Variants in SVIP observed in about 807,000 individuals in gnomAD.
SVIP encodes the protein small VCP/p97-interacting protein.
Under a neutral mutation model 12.9 loss-of-function variants are expected in SVIP, and 14 were observed. The ratio of observed to expected loss-of-function variants is 1.08; its 90% confidence interval spans 0.72 to 1.70. The LOEUF (loss-of-function observed/expected upper bound fraction) is 1.70, where lower values mean the gene tolerates loss of function less well. SVIP is among the 40% of genes most tolerant of loss of function. The pLI is 0.00. For missense variants in SVIP, 93 were observed against 90.8 expected, an observed-to-expected ratio of 1.02 and a Z score of -0.10; for synonymous variants, 35 against 33.3, an observed-to-expected ratio of 1.05 and a Z score of -0.17.
rs1233164298 is a variant in SVIP, at chr11:22,821,993, C to A, written c.*1126G>T. 1 of 152,152 alleles carries A rather than the reference C, an allele frequency of 6.6e-6. No homozygotes were observed. Among genetic ancestry groups the A allele is most frequent in the African/African-American group, 2.4e-5 (1 of 41,440 alleles). The allele number at this position is 152,152 out of a possible 1,614,324, so 9.4% of individuals were successfully genotyped here. ...TAAAATTTCTATTAGCACTTAATAT[C>A]TGCAAATTTTAATTTAGGGCTCAAC... On this transcript the variant is annotated 3_prime_UTR_variant, in exon 4 of 4. Transcript: ENST00000354193.
intron 3 of SVIP, among the ~76,000 whole-genome samples, chr11:22,825,261 C>A (rs1857651669): frequency 6.6e-6 from 1 of 151,994 alleles, no homozygotes; most frequent in Non-Finnish European, 1.5e-5. Context: ...ATAGGCCAAG[C>A]GTTTTGAGGG....
chr11:22,828,703 A>T (rs1857820953), intron 1 of SVIP, among the ~76,000 whole-genome samples: 1 of 152,146 alleles, frequency 6.6e-6, no homozygotes, highest in Non-Finnish European at 1.5e-5. Context: ...ATCGACAGCC[A>T]GAACAACAAA....
At chr11:22,829,159 T>C (rs527912157) in intron 1 of SVIP, 2 of 152,346 alleles carry the variant, frequency 1.3e-5, no homozygotes, top group Admixed American at 1.3e-4. Context: ...CATATTCTTT[T>C]AAAGGGAGAA....
chr11:22,827,100 C>CA, intron 3 of SVIP, 107 bp downstream of exon 3: 1 of 854,776 alleles, frequency 1.2e-6, no homozygotes. Flanking sequence ...TAAACTATTT[C>CA]AAAATTTTCT....
intron 3 of SVIP, among the ~76,000 whole-genome samples, chr11:22,826,422 T>C (rs949166883): frequency 1.3e-5 from 2 of 152,158 alleles, no homozygotes; most frequent in African/African-American, 4.8e-5. Flanking sequence ...TCATAAATCA[T>C]TGACAAGTTA....
chr11:22,827,871 C>T lies in SVIP; in HGVS notation c.58G>A (p.Glu20Lys), dbSNP rs1857782016. 1.3e-6 allele frequency: 2 copies of T among 1,570,754 alleles called. No homozygotes were observed. The highest frequency in any genetic ancestry group is 4.6e-5 in the East Asian group (2 of 43,772). Residue 20 changes from glutamate to lysine, a missense_variant, in exon 2 of 4, where the codon GAG becomes AAG. Physicochemically the swap from Glu to Lys is moderately conservative, Grantham distance 56. Coordinates refer to ENST00000354193, the MANE Select transcript of SVIP (RefSeq NM_148893.3). Reference protein sequence around the residue: ...ESAPPTPDLEEKRAKLAEAAE... With the variant: ...ESAPPTPDLEKKRAKLAEAAE... ...GCCTCTGCAAGCTTTGCTCTTTTCT[C>T]TTCCTAAATAAATGTGTAAAAATAT...
chr11:22,826,349 T>G (rs186814962), intron 3 of SVIP, among the ~76,000 whole-genome samples: 2 of 148,086 alleles, frequency 1.4e-5, no homozygotes, highest in Non-Finnish European at 3.0e-5. Flanking sequence ...TGTATATGTA[T>G]GTGCATGTGT....
At chr11:22,829,517 C>G (rs1857869387) in intron 1 of SVIP, 178 bp downstream of exon 1, 11 of 572,198 alleles carry the variant, frequency 1.9e-5, no homozygotes, top group Non-Finnish European at 3.3e-5. Context: ...AGGCGACGGC[C>G]TAGGTCGCTC....
rs1857436996 is a variant in SVIP at position 22,820,409 on chromosome 11, A to G, written c.*2710T>C. On this transcript the variant is annotated 3_prime_UTR_variant, in exon 4 of 4. Transcript: ENST00000354193. The stretch of plus-strand genomic sequence containing the variant: ...TAGGAAAAAACAGGATACTAATTAC[A>G]TCATTTTTCCTTTATAGAAAATCCA... The G allele has an allele frequency of 6.6e-6, 1 of 152,194 alleles. No homozygotes were observed. Among genetic ancestry groups the G allele is most frequent in the South Asian group, 2.1e-4 (1 of 4,834 alleles). The allele number at this position is 152,194 out of a possible 1,614,324, so 9.4% of individuals were successfully genotyped here.
At chr11:22,824,473 C>CATATATGTAT (rs1857611347) in intron 3 of SVIP, among the ~76,000 whole-genome samples, 1 of 140,944 alleles carries the variant, frequency 7.1e-6, no homozygotes, top group East Asian at 2.1e-4. Flanking sequence ...CATATATATA[C>CATATATGTAT]GTATATATAT....
In SVIP at chr11:22,823,215, A is replaced by G. The variant is rs533611487; in HGVS notation, c.220-82T>C. ...TACTTCAGTGAACAAACAGGTAAAA[A>G]GAGGAATATGGGACATAGAAATACA... On this transcript the variant is annotated intron_variant, in intron 3 of 3. Transcript: ENST00000354193. 60 of 995,568 alleles carry G rather than the reference A, an allele frequency of 6.0e-5. No individual in the cohort carries two copies. The African/African-American group carries it at 8.8e-4, about 15-fold the overall frequency. 61.7% of individuals were successfully genotyped at this position (995,568 alleles called of 1,614,324 possible). A position where few individuals can be genotyped will look rare whatever the true frequency, so the allele number is the denominator to read the frequency against.
At chr11:22,829,627 C>G in intron 1 of SVIP, 68 bp downstream of exon 1, 1 of 1,489,444 alleles carries the variant, frequency 6.7e-7, no homozygotes, top group Non-Finnish European at 9.1e-7. Flanking sequence ...ATGGCTCGGC[C>G]CGCCCCGCAA....
Position 22,823,095 on chromosome 11 carries a change from A to G in SVIP, c.*24T>C. On this transcript the variant is annotated 3_prime_UTR_variant, in exon 4 of 4. Transcript: ENST00000354193. ...CAGATAATAAACAGTTATTGGCAGT[A>G]GATTCTTCTACTCATGTTATGCTTT... is the stretch of plus-strand genomic sequence containing the variant. 3.2e-6 allele frequency: 5 copies of G among 1,576,810 alleles called. No homozygotes were observed. Among genetic ancestry groups the G allele is most frequent in the Non-Finnish European group, 4.3e-6 (5 of 1,161,228 alleles).
At chr11:22,829,574 G>C in intron 1 of SVIP, 121 bp downstream of exon 1, 3 of 1,042,544 alleles carry the variant, frequency 2.9e-6, no homozygotes, top group African/African-American at 1.6e-5. Context: ...GTCCTCGCTA[G>C]CAGGGTCCCC....
At position 22,827,844 on chromosome 11, in the gene SVIP, C is replaced by A; in HGVS notation, c.85G>T (p.Ala29Ser). 2 of 1,583,594 alleles carry A rather than the reference C, an allele frequency of 1.3e-6. No individual in the cohort carries two copies. The highest frequency in any genetic ancestry group is 1.2e-5 in the South Asian group (1 of 84,376). The change falls in exon 2 of 4, where the codon GCA becomes TCA. Residue 29 changes from alanine to serine, a missense_variant. Transcript: ENST00000354193. ...CTTACCTCTTTTTGTCTTCTCTCTG[C>A]AGCCTCTGCAAGCTTTGCTCTTTTC... is the stretch of plus-strand genomic sequence containing the variant. ...EEKRAKLAEA[A>S]ERRQKEAASR...
chr11:22,822,176 C>T lies in SVIP; in HGVS notation c.*943G>A, dbSNP rs928776162. 3 of 152,094 alleles carry T rather than the reference C, an allele frequency of 2.0e-5. No homozygotes were observed. The highest frequency in any genetic ancestry group is 2.0e-4 in the Admixed American group (3 of 15,268). 9.4% of individuals were successfully genotyped at this position (152,094 alleles called of 1,614,324 possible). A position where few individuals can be genotyped will look rare whatever the true frequency, so the allele number is the denominator to read the frequency against. ...TATGACTATGCATTGTATAGAATTA[C>T]CTAATATTTTTATATCTGAAGTAGA... On this transcript the variant is annotated 3_prime_UTR_variant, in exon 4 of 4. Transcript: ENST00000354193.
At position 22,821,589 on chromosome 11, in the gene SVIP, T is replaced by C. The variant is rs1857487754; in HGVS notation, c.*1530A>G. On this transcript the variant is annotated 3_prime_UTR_variant, in exon 4 of 4. Coordinates refer to ENST00000354193, the MANE Select transcript of SVIP (RefSeq NM_148893.3). ...TCAAGGATGATATGCTCTAGCTCTATATGCACTCCGCTATCAATCATTCCT... is the reference window on the plus strand; with the variant it reads ...TCAAGGATGATATGCTCTAGCTCTACATGCACTCCGCTATCAATCATTCCT... 1 of 152,180 alleles carries C rather than the reference T, an allele frequency of 6.6e-6. No homozygotes were observed. Among genetic ancestry groups the C allele is most frequent in the Non-Finnish European group, 1.5e-5 (1 of 68,030 alleles). The allele number at this position is 152,180 out of a possible 1,614,324, so 9.4% of individuals were successfully genotyped here.
chr11:22,824,680 A>T (rs1472908346), intron 3 of SVIP, among the ~76,000 whole-genome samples: 1 of 152,094 alleles, frequency 6.6e-6, no homozygotes. Flanking sequence ...ATTTTTAAAC[A>T]TTTATTCCCA....
chr11:22,818,927 T>G lies in SVIP; in HGVS notation c.*4192A>C, dbSNP rs1169094971. On this transcript the variant is annotated 3_prime_UTR_variant, in exon 4 of 4. Coordinates refer to ENST00000354193, the MANE Select transcript of SVIP (RefSeq NM_148893.3). ...CCAATCCAAAAACATACAATGTTTC[T>G]TCATTTAGATCTTAATTTATTGGCA... The G allele has an allele frequency of 6.6e-6, 1 of 152,228 alleles. No homozygotes were observed. Among genetic ancestry groups the G allele is most frequent in the Non-Finnish European group, 1.5e-5 (1 of 68,030 alleles). 9.4% of individuals were successfully genotyped at this position (152,228 alleles called of 1,614,324 possible). A position where few individuals can be genotyped will look rare whatever the true frequency, so the allele number is the denominator to read the frequency against.
Sources: allele counts gnomAD v4.1 joint callset (sites outside exome capture counted in the v4.1 genomes callset), GRCh38; gene constraint gnomAD v4.1.1; transcripts MANE v1.5; gene names NCBI Gene and HGNC (gene_info 2026-07-23, HGNC 2026-07-21).